Variants in VIPR2 observed in about 807,000 individuals in gnomAD.
The protein encoded by VIPR2 is vasoactive intestinal peptide receptor 2.
VIPR2 carries 48 observed loss-of-function variants against 58.0 expected under a neutral mutation model. The observed-to-expected ratio is 0.83, with a 90% CI of 0.66 to 1.05. The LOEUF (loss-of-function observed/expected upper bound fraction) is 1.05. Among genes scored for constraint, VIPR2 ranks in the 50% least tolerant of loss-of-function variants. The pLI is 0.00. For missense variants in VIPR2, 534 were observed against 558.0 expected, an observed-to-expected ratio of 0.96 and a Z score of 0.43; for synonymous variants, 243 against 235.2, an observed-to-expected ratio of 1.03 and a Z score of -0.30.
rs1360428970 is a variant in VIPR2, at chr7:159,043,137, C to G, written c.495G>C (p.Leu165=). 6.2e-7 allele frequency: 1 copy of G among 1,612,840 alleles called. No homozygotes were observed. Among genetic ancestry groups the G allele is most frequent in the Non-Finnish European group, 8.5e-7 (1 of 1,179,830 alleles). ...HCTRNYIHLN[L]FLSFILRAIS... ...TGGCTCTCAGGATGAAGGACAGGAACAGGTTCAGGTGGATGTAATTCCTGG... is the reference window on the plus strand; with the variant it reads ...TGGCTCTCAGGATGAAGGACAGGAAGAGGTTCAGGTGGATGTAATTCCTGG... Residue 165 remains leucine, a synonymous_variant, in exon 6 of 13, where the codon CTG becomes CTC. Transcript: ENST00000262178.
chr7:159,099,804 C>A lies in VIPR2; in HGVS notation c.357+3953G>T, dbSNP rs1291534010. The stretch of plus-strand genomic sequence containing the variant: ...CCACAGAAGCCCCTGAGACCCCTGG[C>A]TGCTCCCTTTCCTATGGAAGCCTGG... On this transcript the variant is annotated intron_variant, in intron 4 of 12. Coordinates refer to ENST00000262178, the MANE Select transcript of VIPR2 (RefSeq NM_003382.5). This position sits in a 1 kb window ranked among gnomAD's most constrained non-coding sequence, Gnocchi z 4.2. 6.6e-6 allele frequency among the ~76,000 whole-genome samples: 1 copy of A among 152,132 alleles called. No individual in the cohort carries two copies. The highest frequency in any genetic ancestry group is 1.9e-4 in the East Asian group (1 of 5,192).
intron 4 of VIPR2, among the ~76,000 whole-genome samples, chr7:159,063,124 A>G (rs891719472): frequency 9.9e-5 from 15 of 152,170 alleles, no homozygotes; most frequent in African/African-American, 3.6e-4. Flanking sequence ...AGCTGCCCCC[A>G]GTTTTGCGCT....
In VIPR2 at chr7:159,032,062, A is replaced by G; in HGVS notation, c.977T>C (p.Leu326Pro). The G allele has an allele frequency of 6.2e-7, 1 of 1,614,006 alleles. No individual in the cohort carries two copies. Among genetic ancestry groups the G allele is most frequent in the East Asian group, 2.2e-5 (1 of 44,862 alleles). The change falls in exon 11 of 13, where the codon CTG becomes CCG. Residue 326 changes from leucine (L) to proline (P), a missense_variant. Coordinates refer to ENST00000262178, the MANE Select transcript of VIPR2 (RefSeq NM_003382.5). ...GATAAGCAGGAGCGTGGACTTGGCC[A>G]GCCTCCTGCACAGAAGGAGATGAGC... Reference protein sequence around the residue: ...GGNDQSQYKRLAKSTLLLIPL... With the variant: ...GGNDQSQYKRPAKSTLLLIPL...
chr7:159,140,082 T>C (rs1162247499), intron 2 of VIPR2, among the ~76,000 whole-genome samples: 1 of 151,886 alleles, frequency 6.6e-6, no homozygotes, highest in African/African-American at 2.4e-5. Flanking sequence ...TTTTTGTTTT[T>C]GTTTTTTTTT....
rs1288772807 is a variant in VIPR2, at chr7:159,109,802, C to G, written c.259+10G>C. 1 of 1,613,302 alleles carries G rather than the reference C, an allele frequency of 6.2e-7. No individual in the cohort carries two copies. The highest frequency in any genetic ancestry group is 8.5e-7 in the Non-Finnish European group (1 of 1,179,338). On this transcript the variant is annotated intron_variant, in intron 3 of 12. Transcript: ENST00000262178. The stretch of plus-strand genomic sequence containing the variant: ...TGGAGGAGCTCAGGAACTCAACCGA[C>G]GGACAGTACCTGCTTTGCTGTAAAA...
At position 159,103,981 on chromosome 7, in the gene VIPR2, A is replaced by C; in HGVS notation, c.260-127T>G. ...CACACCCAGGGGTCAGCTAGGAGAC[A>C]GGACTGCCACTCAAAAAACCTTCCT... On this transcript the variant is annotated intron_variant, in intron 3 of 12. Transcript: ENST00000262178. 1.6e-5 allele frequency: 12 copies of C among 773,696 alleles called. No individual in the cohort carries two copies. The South Asian group carries it at 2.0e-4, about 13-fold the overall frequency. The allele number at this position is 773,696 out of a possible 1,614,324, so 47.9% of individuals were successfully genotyped here.
intron 4 of VIPR2, among the ~76,000 whole-genome samples, chr7:159,061,732 G>A (rs1855669952): frequency 3.3e-5 from 5 of 152,208 alleles, no homozygotes; most frequent in Admixed American, 3.3e-4. Context: ...AGTATTTACT[G>A]GGCGCCCACC....
chr7:159,030,986 G>A (rs1412839723), intron 12 of VIPR2, among the ~76,000 whole-genome samples, 197 bp from the exon 13 acceptor site: 2 of 152,262 alleles, frequency 1.3e-5, no homozygotes, highest in African/African-American at 4.8e-5. Context: ...ACAGGAGGGC[G>A]GGGGACGCTG....
At position 159,048,890 on chromosome 7, in the gene VIPR2, T is replaced by G. The variant is rs1434337605; in HGVS notation, c.456-5714A>C. ...CACAGCTCCAGGGGCTTTCTCTAGTTCTTCCACAAACCTCTGCTGGGTCCA... is the reference window on the plus strand; with the variant it reads ...CACAGCTCCAGGGGCTTTCTCTAGTGCTTCCACAAACCTCTGCTGGGTCCA... On this transcript the variant is annotated intron_variant, in intron 5 of 12. Transcript: ENST00000262178. Among the ~76,000 whole-genome samples, 5 of 152,350 alleles carry G rather than the reference T, an allele frequency of 3.3e-5. No individual in the cohort carries two copies. The East Asian group carries it at 9.6e-4, about 29-fold the overall frequency.
chr7:159,063,644 G>A (rs902208602), intron 4 of VIPR2, among the ~76,000 whole-genome samples: 2 of 150,866 alleles, frequency 1.3e-5, no homozygotes, highest in Admixed American at 6.6e-5. Context: ...CAGAGGAGGC[G>A]CCAAGAGCGA....
chr7:159,100,327 G>T (rs1858128499), intron 4 of VIPR2, among the ~76,000 whole-genome samples: 1 of 152,032 alleles, frequency 6.6e-6, no homozygotes, highest in East Asian at 1.9e-4. Context: ...CACAGTGACA[G>T]TGGGCTCACA....
At chr7:159,065,581 A>T (rs1856034298) in intron 4 of VIPR2, among the ~76,000 whole-genome samples, 2 of 152,188 alleles carry the variant, frequency 1.3e-5, no homozygotes, top group Admixed American at 1.3e-4. Context: ...CCCTGAATCG[A>T]CACACTGTTC....
chr7:159,107,093 G>C (rs1244110044), intron 3 of VIPR2, among the ~76,000 whole-genome samples: 1 of 152,152 alleles, frequency 6.6e-6, no homozygotes, highest in African/African-American at 2.4e-5. Flanking sequence ...GGGCTTCAGT[G>C]CTTCTCAGCG....
Position 159,095,751 on chromosome 7 carries a change from C to T in VIPR2, c.357+8006G>A, listed in dbSNP as rs993868759. Among the ~76,000 whole-genome samples, 2 of 152,122 alleles carry T rather than the reference C, an allele frequency of 1.3e-5. No individual in the cohort carries two copies. Among genetic ancestry groups the T allele is most frequent in the African/African-American group, 4.8e-5 (2 of 41,430 alleles). ...CTCCTGTCCAGGCTCCAAATCACATCGACATGACAGTTGGTGCCGACCTGA... is the reference window on the plus strand; with the variant it reads ...CTCCTGTCCAGGCTCCAAATCACATTGACATGACAGTTGGTGCCGACCTGA... On this transcript the variant is annotated intron_variant, in intron 4 of 12. Transcript: ENST00000262178. This position sits in a 1 kb window ranked among gnomAD's most constrained non-coding sequence, Gnocchi z 5.2.
chr7:159,116,273 A>T (rs1796234742), intron 2 of VIPR2, among the ~76,000 whole-genome samples: 1 of 152,204 alleles, frequency 6.6e-6, no homozygotes, highest in Non-Finnish European at 1.5e-5. Context: ...TTTTGAAGCC[A>T]AGTTTCAGGA....
intron 4 of VIPR2, among the ~76,000 whole-genome samples, chr7:159,080,580 C>G (rs1264254384): frequency 6.6e-6 from 1 of 152,182 alleles, no homozygotes. Flanking sequence ...CCCTCTCTCA[C>G]CACTCCTATT....
At chr7:159,105,534 C>T (rs1417793686) in intron 3 of VIPR2, among the ~76,000 whole-genome samples, 1 of 152,158 alleles carries the variant, frequency 6.6e-6, no homozygotes, top group Non-Finnish European at 1.5e-5. Flanking sequence ...AGAGAGAGGG[C>T]CGGGCCAGGC....
chr7:159,054,388 G>A (rs1855179933), intron 5 of VIPR2, among the ~76,000 whole-genome samples: 1 of 152,144 alleles, frequency 6.6e-6, no homozygotes, highest in Non-Finnish European at 1.5e-5. Flanking sequence ...AGACCACGAA[G>A]AGAGCTTAAA....
chr7:159,037,440 A>G (rs1211680878), intron 6 of VIPR2, among the ~76,000 whole-genome samples: 1 of 152,252 alleles, frequency 6.6e-6, no homozygotes, highest in Non-Finnish European at 1.5e-5. Flanking sequence ...GGCGCGGCAC[A>G]TGCCAGCTGC....
Sources: allele counts gnomAD v4.1 joint callset (sites outside exome capture counted in the v4.1 genomes callset), GRCh38; gene constraint gnomAD v4.1.1; non-coding constraint Gnocchi (gnomAD v3.1); transcripts MANE v1.5; gene names NCBI Gene and HGNC (gene_info 2026-07-23, HGNC 2026-07-21).